B3GAT2: variants seen among roughly 807,000 people sequenced by gnomAD.
B3GAT2 encodes the protein beta-1,3-glucuronyltransferase 2, also known as galactosylgalactosylxylosylprotein 3-beta-glucuronosyltransferase 2.
B3GAT2 carries 26 observed loss-of-function variants against 27.8 expected under a neutral mutation model. That is an observed-to-expected ratio of 0.93 (90% confidence interval 0.68 to 1.30). B3GAT2 has a LOEUF of 1.30. Ranked by LOEUF, B3GAT2 falls within the 50% of genes most tolerant of loss-of-function variation. The probability of loss-of-function intolerance (pLI) is 0.00; values close to 1 mark genes in which losing one functional copy is unlikely to be tolerated. For synonymous variants in B3GAT2, 218 were observed against 195.1 expected (o/e 1.12, Z -0.98); for missense variants, 458 against 459.0 (o/e 1.00, Z 0.02).
At chr6:70,937,344 T>G (rs1197288071) in intron 1 of B3GAT2, among the ~76,000 whole-genome samples, 3 of 151,006 alleles carry the variant, frequency 2.0e-5, no homozygotes, top group Non-Finnish European at 4.4e-5. Context: ...CTGGTACCAT[T>G]CCTTCTGAAA....
chr6:70,910,074 C>T (rs954367895), intron 1 of B3GAT2, among the ~76,000 whole-genome samples: 2 of 152,164 alleles, frequency 1.3e-5, no homozygotes, highest in Non-Finnish European at 2.9e-5. Flanking sequence ...GGGGTTTCAC[C>T]GTGTTGGCCA....
chr6:70,926,887 G>A (rs886481226), intron 1 of B3GAT2, among the ~76,000 whole-genome samples: 6 of 152,230 alleles, frequency 3.9e-5, no homozygotes, highest in African/African-American at 1.2e-4. Context: ...GATTCACCAA[G>A]GTTGAAATGA....
chr6:70,900,812 T>G (rs557826018), intron 1 of B3GAT2, among the ~76,000 whole-genome samples: 1 of 152,244 alleles, frequency 6.6e-6, no homozygotes, highest in Non-Finnish European at 1.5e-5. Flanking sequence ...AAATCTTGTT[T>G]TATTTTTTCC....
intron 1 of B3GAT2, among the ~76,000 whole-genome samples, chr6:70,940,384 G>A (rs147922484): frequency 0.016 from 2,466 of 152,176 alleles, 44 homozygotes; most frequent in Middle Eastern, 0.034. Context: ...GAGAAGGCTG[G>A]CATCTGGGAT....
At chr6:70,955,078 G>T (rs1765631958) in intron 1 of B3GAT2, among the ~76,000 whole-genome samples, 1 of 151,840 alleles carries the variant, frequency 6.6e-6, no homozygotes, top group African/African-American at 2.4e-5. Context: ...GAGAAAGGTT[G>T]TGAAAAGGGA....
At chr6:70,894,574 A>C (rs1258069263) in intron 1 of B3GAT2, among the ~76,000 whole-genome samples, 2 of 152,224 alleles carry the variant, frequency 1.3e-5, no homozygotes, top group Non-Finnish European at 2.9e-5. Context: ...ATATTTTCCT[A>C]TTTGTTTCAA....
At chr6:70,948,585 T>C (rs572621520) in intron 1 of B3GAT2, among the ~76,000 whole-genome samples, 77 of 130,310 alleles carry the variant, frequency 5.9e-4, no homozygotes, top group African/African-American at 2.1e-3. Context: ...TAAAAGAGGA[T>C]ACAAACAAAT....
At chr6:70,866,847 A>AACAACAGCAGAAT (rs1371167345) in intron 2 of B3GAT2, among the ~76,000 whole-genome samples, 3 of 152,338 alleles carry the variant, frequency 2.0e-5, no homozygotes, top group Admixed American at 6.5e-5. Context: ...CACTCCACCC[A>AACAACAGCAGAAT]ACAACAGCAG....
In B3GAT2 at chr6:70,956,484, C is replaced by G; in HGVS notation, c.-55G>C. 1 of 1,547,734 alleles carries G rather than the reference C, an allele frequency of 6.5e-7. No individual in the cohort carries two copies. Among genetic ancestry groups the G allele is most frequent in the African/African-American group, 1.4e-5 (1 of 73,090 alleles). ...CCAGAGAGGGGCGAGCCGAGGGACC[C>G]CAGTGCGCAGCTTGGACAGCGGCGG... On this transcript the variant is annotated 5_prime_UTR_variant, in exon 1 of 4. Transcript: ENST00000230053.
intron 1 of B3GAT2, among the ~76,000 whole-genome samples, chr6:70,953,220 A>G (rs1765601892): frequency 6.6e-6 from 1 of 152,172 alleles, no homozygotes; most frequent in South Asian, 2.1e-4. Context: ...CTTTCCCCCA[A>G]GGAGCTGTAG....
At chr6:70,909,383 T>C (rs140915526) in intron 1 of B3GAT2, among the ~76,000 whole-genome samples, 1,869 of 152,338 alleles carry the variant, frequency 0.012, 23 homozygotes, top group Middle Eastern at 0.044. Context: ...AGAAGGTGTA[T>C]GAAAGCTACT....
intron 1 of B3GAT2, among the ~76,000 whole-genome samples, chr6:70,955,355 T>C (rs1357973945): frequency 6.6e-6 from 1 of 152,122 alleles, no homozygotes; most frequent in East Asian, 1.9e-4. Context: ...GGTCCTAGAC[T>C]GAGAATCACA....
At chr6:70,900,189 T>A (rs777754685) in intron 1 of B3GAT2, among the ~76,000 whole-genome samples, 4 of 152,310 alleles carry the variant, frequency 2.6e-5, no homozygotes, top group Non-Finnish European at 4.4e-5. Context: ...GCAATGTTAA[T>A]CAACCAAACT....
In B3GAT2 at chr6:70,894,134, T is replaced by C; in HGVS notation, c.730A>G (p.Met244Val). The C allele has an allele frequency of 1.2e-6, 2 of 1,610,554 alleles. No homozygotes were observed. Among genetic ancestry groups the C allele is most frequent in the Non-Finnish European group, 1.7e-6 (2 of 1,178,194 alleles). ...CATCACCCACACTGCTCACCTGCCATGTCGATGGCAAAAGGCCTGTCTGCT... is the reference window on the plus strand; with the variant it reads ...CATCACCCACACTGCTCACCTGCCACGTCGATGGCAAAAGGCCTGTCTGCT... The part of the protein sequence containing the change: ...WRADRPFAID[M>V]AGFAVSLQVI... Residue 244 changes from methionine (M) to valine (V), a missense_variant, in exon 2 of 4, where the codon ATG becomes GTG. By Grantham distance (21) the Met-to-Val change is conservative. Coordinates refer to ENST00000230053, the MANE Select transcript of B3GAT2 (RefSeq NM_080742.3).
At chr6:70,926,756 G>A (rs1772967904) in intron 1 of B3GAT2, among the ~76,000 whole-genome samples, 1 of 152,192 alleles carries the variant, frequency 6.6e-6, no homozygotes, top group Non-Finnish European at 1.5e-5. Context: ...CACTCTTCAG[G>A]ATATTATGCA....
At chr6:70,913,013 A>C (rs1772712540) in intron 1 of B3GAT2, among the ~76,000 whole-genome samples, 1 of 152,008 alleles carries the variant, frequency 6.6e-6, no homozygotes, top group South Asian at 2.1e-4. Context: ...GTTGATGGTA[A>C]TGTCCTCTTT....
Position 70,937,117 on chromosome 6 carries a change from T to C in B3GAT2, c.591+18722A>G, listed in dbSNP as rs558385635. On this transcript the variant is annotated intron_variant, in intron 1 of 3. Transcript: ENST00000230053. ...TAGAAACTACCATCAGAGAATACTA[T>C]AAACACCTCTACGCAAATAAACTGG... 2.0e-4 allele frequency among the ~76,000 whole-genome samples: 30 copies of C among 152,248 alleles called. No homozygotes were observed. In the East Asian group the frequency reaches 4.4e-3, roughly 23 times the overall value.
At chr6:70,890,169 C>T (rs1174970394) in intron 2 of B3GAT2, among the ~76,000 whole-genome samples, 1 of 152,266 alleles carries the variant, frequency 6.6e-6, no homozygotes, top group Non-Finnish European at 1.5e-5. Context: ...CATCCAATAA[C>T]GGAATTCATC....
At chr6:70,931,125 A>T (rs1256417141) in intron 1 of B3GAT2, among the ~76,000 whole-genome samples, 1 of 152,092 alleles carries the variant, frequency 6.6e-6, no homozygotes, top group African/African-American at 2.4e-5. Context: ...ATAGGTGGGA[A>T]CTGAACAATG....
Sources: gnomAD v4.1 joint callset for allele counts (sites outside exome capture counted in the v4.1 genomes callset) on GRCh38, gnomAD v4.1.1 for gene constraint, MANE v1.5 for transcripts, NCBI Gene and HGNC (gene_info 2026-07-23, HGNC 2026-07-21) for gene names.